Variants in RASA3 observed in about 807,000 individuals in gnomAD.
RASA3 encodes the protein RAS p21 protein activator 3, also known as ras GTPase-activating protein 3.
A neutral mutation model predicts 110.0 loss-of-function variants in RASA3; 73 were observed. The observed-to-expected ratio is 0.66, with a 90% CI of 0.55 to 0.81. The LOEUF (loss-of-function observed/expected upper bound fraction) is 0.81, where lower values mean the gene tolerates loss of function less well. RASA3 is among the 30% of genes least tolerant of loss of function. The pLI is 0.00. For missense variants in RASA3, 976 were observed against 1,113.2 expected (o/e 0.88, Z 1.75); for synonymous variants, 500 against 451.4 (o/e 1.11, Z -1.37).
At chr13:114,070,551 C>T (rs1325649909) in intron 2 of RASA3, among the ~76,000 whole-genome samples, 8 of 152,210 alleles carry the variant, frequency 5.3e-5, no homozygotes, top group African/African-American at 7.2e-5. Flanking sequence ...ACTACAGGGG[C>T]GGCCAGCCCG....
At chr13:114,042,230 C>G (rs2054425893) in intron 3 of RASA3, among the ~76,000 whole-genome samples, 1 of 151,978 alleles carries the variant, frequency 6.6e-6, no homozygotes, top group African/African-American at 2.4e-5. Context: ...ACCGAGCCAT[C>G]TCCCATCCTG....
At chr13:114,076,559 G>A (rs984021360) in intron 1 of RASA3, among the ~76,000 whole-genome samples, 5 of 151,676 alleles carry the variant, frequency 3.3e-5, no homozygotes, top group Admixed American at 2.0e-4. Context: ...CACACACGCA[G>A]CACACGCAGG....
intron 1 of RASA3, among the ~76,000 whole-genome samples, chr13:114,116,101 G>T (rs2139773702): frequency 6.6e-6 from 1 of 152,328 alleles, no homozygotes; most frequent in African/African-American, 2.4e-5. Flanking sequence ...GGTCCCCTGT[G>T]GGCCTGTGCC....
chr13:114,035,882 G>A (rs1245023606), intron 4 of RASA3: 3 of 152,262 alleles, frequency 2.0e-5, no homozygotes, highest in African/African-American at 7.2e-5. Context: ...ACTGTCTGCT[G>A]CACAAACACA....
intron 3 of RASA3, among the ~76,000 whole-genome samples, chr13:114,050,999 C>T (rs928802811): frequency 2.0e-5 from 3 of 152,188 alleles, no homozygotes; most frequent in East Asian, 1.9e-4. Flanking sequence ...GGGCAGCCGG[C>T]GTGGGGTGGA....
At position 114,027,857 on chromosome 13, in the gene RASA3, C is replaced by T; in HGVS notation, c.520G>A (p.Gly174Arg). The T allele has an allele frequency of 1.9e-6, 3 of 1,613,928 alleles. No homozygotes were observed. The highest frequency in any genetic ancestry group is 2.5e-6 in the Non-Finnish European group (3 of 1,179,962). ...CDPYATVTLA[G>R]PFRSEAKKTK... ...CGTGAGGCAACTTGCCTGAAGGGTC[C>T]TGCCAGCGTCACGGTGGCGTAGGGG... The change falls in exon 6 of 24, where the codon GGA (glycine) becomes AGA (arginine). Residue 174 changes from glycine to arginine, a missense_variant. By Grantham distance (125) the Gly-to-Arg change is moderately radical. Around this residue, in one of 4 missense-constraint regions of RASA3, gnomAD observed 732 missense variants for 779.7 expected, o/e 0.94. Coordinates refer to ENST00000334062, the MANE Select transcript of RASA3 (RefSeq NM_007368.4).
chr13:114,017,073 A>C (rs1235877624), intron 12 of RASA3, among the ~76,000 whole-genome samples, 164 bp downstream of exon 12: 2 of 152,252 alleles, frequency 1.3e-5, no homozygotes, highest in East Asian at 3.8e-4. Flanking sequence ...CACAGGGAAC[A>C]TCCTCTTGAT....
intron 1 of RASA3, among the ~76,000 whole-genome samples, chr13:114,119,366 G>A (rs1001576816): frequency 3.3e-5 from 5 of 152,170 alleles, no homozygotes; most frequent in Non-Finnish European, 7.3e-5. Context: ...GATTCCAGAC[G>A]GATGGGACCA....
intron 1 of RASA3, among the ~76,000 whole-genome samples, chr13:114,090,732 G>A (rs926867123): frequency 2.0e-5 from 3 of 152,206 alleles, no homozygotes; most frequent in African/African-American, 7.2e-5. Context: ...CAGTGAACAC[G>A]CAGACCCTTG....
rs992685296 is a variant in RASA3, at chr13:114,011,074, G to A, written c.1590+97C>T. 45 of 1,125,876 alleles carry A rather than the reference G, an allele frequency of 4.0e-5. No homozygotes were observed. Among genetic ancestry groups the A allele is most frequent in the Middle Eastern group, 1.9e-4 (1 of 5,170 alleles). 69.7% of individuals were successfully genotyped at this position (1,125,876 alleles called of 1,614,324 possible). ...CTTTGATTCTTGATCTTTATCTTACGACTCTCTCAAATGTGGGAGGTTTTT... is the reference window on the plus strand; with the variant it reads ...CTTTGATTCTTGATCTTTATCTTACAACTCTCTCAAATGTGGGAGGTTTTT... On this transcript the variant is annotated intron_variant, in intron 16 of 23. Transcript: ENST00000334062. This position sits in a 1 kb window ranked among gnomAD's most constrained non-coding sequence, Gnocchi z 4.8.
chr13:114,017,567 C>T (rs750065326), intron 11 of RASA3, among the ~76,000 whole-genome samples: 6 of 152,380 alleles, frequency 3.9e-5, no homozygotes, highest in African/African-American at 7.2e-5. Context: ...GGGAACCGTT[C>T]GGCTACCTGC....
intron 3 of RASA3, among the ~76,000 whole-genome samples, chr13:114,041,587 G>A (rs1334819516): frequency 1.3e-5 from 2 of 152,252 alleles, no homozygotes. Context: ...AACACCCCGT[G>A]CCTCACACAC....
intron 3 of RASA3, 146 bp from the exon 4 acceptor site, chr13:114,041,240 C>T: frequency 1.4e-6 from 1 of 708,500 alleles, no homozygotes; most frequent in Non-Finnish European, 2.4e-6. Flanking sequence ...GGGCTCATGC[C>T]TGGAACCCCC....
At chr13:114,005,011 C>G (rs1196887185) in intron 18 of RASA3, among the ~76,000 whole-genome samples, 1 of 152,190 alleles carries the variant, frequency 6.6e-6, no homozygotes, top group Non-Finnish European at 1.5e-5. Context: ...AGGGAGATGA[C>G]TCAGAGACGA....
intron 1 of RASA3, among the ~76,000 whole-genome samples, chr13:114,125,893 C>T (rs34725482): frequency 0.11 from 12,225 of 109,978 alleles, 422 homozygotes; most frequent in East Asian, 0.15. Context: ...CCAGAGGTAC[C>T]GGCACCTGCT....
chr13:114,081,208 G>A (rs542727229), intron 1 of RASA3, among the ~76,000 whole-genome samples: 64 of 149,676 alleles, frequency 4.3e-4, no homozygotes, highest in Non-Finnish European at 8.4e-4. Context: ...TGTTAGCAAC[G>A]GGCCACACAG....
At chr13:113,999,780 T>C in intron 19 of RASA3, 113 bp from the exon 20 acceptor site, 1 of 159,578 alleles carries the variant, frequency 6.3e-6, no homozygotes. Context: ...TACCGGGGGG[T>C]CTCTGCCAGG....
intron 2 of RASA3, among the ~76,000 whole-genome samples, chr13:114,062,670 C>T (rs1001153040): frequency 1.3e-5 from 2 of 152,142 alleles, no homozygotes; most frequent in African/African-American, 2.4e-5. Context: ...TCACAGCCCA[C>T]GTCCGCATGC....
Position 114,112,432 on chromosome 13 carries a change from G to A in RASA3, c.55+20003C>T, listed in dbSNP as rs1243034994. ...GAAGCTGGTCTGCTCCTGATACTCT[G>A]CAGGAAGAGAATCACACTCTTTAGA... On this transcript the variant is annotated intron_variant, in intron 1 of 23. Transcript: ENST00000334062. This position sits in a 1 kb window ranked among gnomAD's most constrained non-coding sequence, Gnocchi z 4.8. Among the ~76,000 whole-genome samples the A allele has an allele frequency of 6.6e-6, 1 of 152,182 alleles. No individual in the cohort carries two copies. Among genetic ancestry groups the A allele is most frequent in the Non-Finnish European group, 1.5e-5 (1 of 68,032 alleles).
Sources: allele counts gnomAD v4.1 joint callset (sites outside exome capture counted in the v4.1 genomes callset), GRCh38; gene constraint gnomAD v4.1.1; regional missense constraint gnomAD v4.1.1; non-coding constraint Gnocchi (gnomAD v3.1); transcripts MANE v1.5; gene names NCBI Gene and HGNC (gene_info 2026-07-23, HGNC 2026-07-21).